Variants in OLA1 observed in about 807,000 individuals in gnomAD.
OLA1 encodes obg-like ATPase 1.
A neutral mutation model predicts 48.4 loss-of-function variants in OLA1; 14 were observed. That is an observed-to-expected ratio of 0.29 (90% CI 0.19 to 0.45). The LOEUF (loss-of-function observed/expected upper bound fraction) is 0.45, where lower values mean the gene tolerates loss of function less well. OLA1 is among the 20% of genes least tolerant of loss of function. The pLI, the probability that OLA1 is intolerant of heterozygous loss-of-function variation, is 1.00. For missense variants in OLA1, 325 were observed against 467.1 expected (o/e 0.70, Z 2.80); for synonymous variants, 127 against 150.4 (o/e 0.84, Z 1.14).
chr2:174,234,747 A>G (rs1688807324), intron 2 of OLA1, among the ~76,000 whole-genome samples: 2 of 152,122 alleles, frequency 1.3e-5, no homozygotes, highest in Non-Finnish European at 2.9e-5. Context: ...TATGGGTATG[A>G]GTCACCATGC....
At chr2:174,140,201 A>G (rs1052908107) in intron 5 of OLA1, among the ~76,000 whole-genome samples, 1 of 152,172 alleles carries the variant, frequency 6.6e-6, no homozygotes, top group African/African-American at 2.4e-5. Flanking sequence ...TGACCTGCCT[A>G]TCTTTCTCAT....
At chr2:174,115,411 C>G (rs1685757682) in intron 7 of OLA1, among the ~76,000 whole-genome samples, 1 of 152,150 alleles carries the variant, frequency 6.6e-6, no homozygotes, top group Non-Finnish European at 1.5e-5. Flanking sequence ...GTTTAAAACA[C>G]TTAGCAATCA....
Position 174,123,272 on chromosome 2 carries a change from T to A in OLA1, c.636A>T (p.Glu212Asp), listed in dbSNP as rs750867648. Reference sequence around the variant, plus strand: ...TCAAAAATAAGTGTTTATTCAACACTTCAATCTAAAGTGGGAGATGGAGAA... The same window carrying A: ...TCAAAAATAAGTGTTTATTCAACACATCAATCTAAAGTGGGAGATGGAGAA... ...FYHDWNDKEI[E>D]VLNKHLFLTS... The change falls in exon 7 of 11, where the codon GAA (glutamate) becomes GAT (aspartate). Residue 212 changes from glutamate (E) to aspartate (D), a missense_variant. Transcript: ENST00000284719. 1.1e-5 allele frequency: 16 copies of A among 1,486,548 alleles called. No homozygotes were observed. 92.1% of individuals were successfully genotyped at this position (1,486,548 alleles called of 1,614,324 possible).
chr2:174,178,368 C>A (rs1687464405), intron 4 of OLA1, among the ~76,000 whole-genome samples: 1 of 151,900 alleles, frequency 6.6e-6, no homozygotes, highest in South Asian at 2.1e-4. Flanking sequence ...TAAACTAAAT[C>A]AAAATAAACA....
At chr2:174,109,519 C>T (rs1176971205) in intron 7 of OLA1, among the ~76,000 whole-genome samples, 5 of 152,284 alleles carry the variant, frequency 3.3e-5, no homozygotes, top group Admixed American at 2.6e-4. Flanking sequence ...TCCAGTAACA[C>T]TTAAAAGCTT....
intron 3 of OLA1, among the ~76,000 whole-genome samples, chr2:174,225,607 T>C (rs550457230): frequency 9.2e-5 from 14 of 152,310 alleles, no homozygotes; most frequent in Non-Finnish European, 2.1e-4. Context: ...GTGCTGTGTT[T>C]ATATGGCCTG....
At chr2:174,242,179 G>A (rs1388709368) in intron 2 of OLA1, among the ~76,000 whole-genome samples, 1 of 152,200 alleles carries the variant, frequency 6.6e-6, no homozygotes, top group Non-Finnish European at 1.5e-5. Context: ...TGGCACCAGG[G>A]ACTGGACCGT....
At chr2:174,220,486 G>A (rs888256109) in intron 4 of OLA1, among the ~76,000 whole-genome samples, 3 of 152,024 alleles carry the variant, frequency 2.0e-5, no homozygotes, top group Non-Finnish European at 2.9e-5. Context: ...TAATATTTAT[G>A]TGACCATTTT....
chr2:174,243,703 A>G (rs1323198952), intron 2 of OLA1, among the ~76,000 whole-genome samples: 1 of 152,198 alleles, frequency 6.6e-6, no homozygotes, highest in Non-Finnish European at 1.5e-5. Flanking sequence ...ATTAAATTAG[A>G]TAATATATAT....
At chr2:174,085,518 T>C (rs993727212) in intron 7 of OLA1, among the ~76,000 whole-genome samples, 8 of 152,052 alleles carry the variant, frequency 5.3e-5, no homozygotes, top group African/African-American at 9.7e-5. Context: ...CATGGAAAAA[T>C]TGTCTTCCAT....
intron 5 of OLA1, among the ~76,000 whole-genome samples, chr2:174,125,394 C>A (rs892824041): frequency 6.6e-6 from 1 of 152,048 alleles, no homozygotes; most frequent in Non-Finnish European, 1.5e-5. Flanking sequence ...CAGCTGGTTA[C>A]TATGATGAGT....
intron 4 of OLA1, among the ~76,000 whole-genome samples, chr2:174,200,758 C>CT (rs891859283): frequency 8.0e-5 from 12 of 149,876 alleles, no homozygotes; most frequent in East Asian, 7.8e-4. Flanking sequence ...CAATATAATT[C>CT]TTTTTTTTTT....
chr2:174,132,822 T>G (rs1450813256), intron 5 of OLA1, among the ~76,000 whole-genome samples: 1 of 152,192 alleles, frequency 6.6e-6, no homozygotes, highest in Non-Finnish European at 1.5e-5. Flanking sequence ...TGTTGTTGGG[T>G]GTGGTATCCT....
intron 1 of OLA1, among the ~76,000 whole-genome samples, chr2:174,247,491 T>C (rs756462533): frequency 4.6e-5 from 7 of 152,242 alleles, no homozygotes; most frequent in African/African-American, 1.7e-4. Flanking sequence ...TAACCTGATA[T>C]ATGGTTATAT....
intron 4 of OLA1, among the ~76,000 whole-genome samples, chr2:174,187,792 GT>G (rs1687688856): frequency 6.6e-6 from 1 of 152,154 alleles, no homozygotes; most frequent in African/African-American, 2.4e-5. Context: ...GGTATGGAAG[GT>G]TTTCAAAAGG....
At chr2:174,076,765 A>G (rs1051773196) in intron 10 of OLA1, among the ~76,000 whole-genome samples, 2 of 150,058 alleles carry the variant, frequency 1.3e-5, no homozygotes, top group Admixed American at 1.3e-4. Context: ...GTGTGTATAC[A>G]TATATATTTA....
intron 7 of OLA1, among the ~76,000 whole-genome samples, chr2:174,120,603 A>G (rs1368999311): frequency 6.6e-6 from 1 of 152,208 alleles, no homozygotes; most frequent in Non-Finnish European, 1.5e-5. Context: ...TAATTCAATG[A>G]CTAATGCTTG....
intron 4 of OLA1, among the ~76,000 whole-genome samples, chr2:174,219,601 G>T (rs774197463): frequency 6.6e-6 from 1 of 151,512 alleles, no homozygotes; most frequent in Non-Finnish European, 1.5e-5. Context: ...CTAATTTTTT[G>T]TATTTTTGGT....
chr2:174,203,052 CT>C (rs1391138758), intron 4 of OLA1, among the ~76,000 whole-genome samples: 1 of 152,066 alleles, frequency 6.6e-6, no homozygotes. Context: ...ATGACATCAA[CT>C]TTGTCTCCTT....
Sources: allele counts gnomAD v4.1 joint callset (sites outside exome capture counted in the v4.1 genomes callset), GRCh38; gene constraint gnomAD v4.1.1; transcripts MANE v1.5; gene names NCBI Gene and HGNC (gene_info 2026-07-23, HGNC 2026-07-21).